The following CNTNAP2 variants were observed in gnomAD, a reference collection of about 807,000 sequenced individuals.
CNTNAP2 encodes the protein contactin associated protein 2, also known as contactin-associated protein-like 2.
Under a neutral mutation model 155.2 loss-of-function variants are expected in CNTNAP2, and 98 were observed. The ratio of observed to expected loss-of-function variants is 0.63; its 90% CI spans 0.54 to 0.75. The LOEUF is 0.75. Among genes scored for constraint, CNTNAP2 ranks in the 30% least tolerant of loss-of-function variants. The pLI is 0.00. For synonymous variants in CNTNAP2, 651 were observed against 631.2 expected (o/e 1.03, Z -0.47); for missense variants, 1,727 against 1,688.1 (o/e 1.02, Z -0.40).
chr7:146,997,102 C>A (rs1227233399), intron 3 of CNTNAP2, among the ~76,000 whole-genome samples: 1 of 152,046 alleles, frequency 6.6e-6, no homozygotes, highest in Non-Finnish European at 1.5e-5. Flanking sequence ...TCAGGTATAT[C>A]TTTATCAACA....
intron 1 of CNTNAP2, among the ~76,000 whole-genome samples, chr7:146,423,226 CAT>C (rs1275503037): frequency 6.6e-6 from 1 of 152,068 alleles, no homozygotes; most frequent in East Asian, 1.9e-4. Flanking sequence ...TGTAAAATAA[CAT>C]ATTGAACTTT....
intron 3 of CNTNAP2, among the ~76,000 whole-genome samples, chr7:146,972,864 A>G (rs1482694779): frequency 6.6e-6 from 1 of 152,170 alleles, no homozygotes; most frequent in Non-Finnish European, 1.5e-5. Flanking sequence ...TTTTGAGGTT[A>G]TTGTAACTAA....
intron 1 of CNTNAP2, among the ~76,000 whole-genome samples, chr7:146,187,163 C>A (rs572433289): frequency 2.0e-5 from 3 of 152,330 alleles, no homozygotes; most frequent in Non-Finnish European, 4.4e-5. Context: ...AAGAGTGATT[C>A]TGAGAGCAGG....
chr7:146,828,232 T>G (rs948677728), intron 2 of CNTNAP2, among the ~76,000 whole-genome samples: 8 of 152,082 alleles, frequency 5.3e-5, no homozygotes, highest in Non-Finnish European at 4.4e-5. Flanking sequence ...TACAGTCAAG[T>G]GTTACTTAGC....
At chr7:147,835,879 C>T (rs1798624588) in intron 13 of CNTNAP2, among the ~76,000 whole-genome samples, 1 of 152,092 alleles carries the variant, frequency 6.6e-6, no homozygotes, top group African/African-American at 2.4e-5. Flanking sequence ...TCTGTGGTCA[C>T]AAGACCAAGA....
intron 12 of CNTNAP2, among the ~76,000 whole-genome samples, chr7:147,633,570 A>G (rs576859584): frequency 9.1e-4 from 139 of 152,252 alleles, no homozygotes; most frequent in Non-Finnish European, 1.4e-3. Flanking sequence ...TGCCTTGGCT[A>G]TGTCCCCACC....
intron 3 of CNTNAP2, among the ~76,000 whole-genome samples, chr7:146,948,602 A>T (rs1305264115): frequency 6.6e-6 from 1 of 152,216 alleles, no homozygotes; most frequent in Non-Finnish European, 1.5e-5. Context: ...ACATTACAGT[A>T]TATAAGTGCT....
intron 9 of CNTNAP2, among the ~76,000 whole-genome samples, chr7:147,315,432 C>T (rs1001296074): frequency 2.6e-4 from 39 of 149,986 alleles, no homozygotes; most frequent in African/African-American, 8.8e-4. Context: ...ACCACGGCAA[C>T]CACGAATCTA....
At chr7:147,804,627 C>G (rs1798061644) in intron 13 of CNTNAP2, among the ~76,000 whole-genome samples, 1 of 152,028 alleles carries the variant, frequency 6.6e-6, no homozygotes, top group African/African-American at 2.4e-5. Context: ...GATCTCGGCT[C>G]ACTGCAACCT....
intron 1 of CNTNAP2, among the ~76,000 whole-genome samples, chr7:146,195,560 A>G (rs1798763364): frequency 3.3e-5 from 5 of 152,198 alleles, no homozygotes; most frequent in Admixed American, 3.3e-4. Context: ...TAAATTATAG[A>G]TTCAGAAATG....
In CNTNAP2 at chr7:146,928,427, A is replaced by G. The variant is rs1278507261; in HGVS notation, c.402+88523A>G. 2.0e-5 allele frequency among the ~76,000 whole-genome samples: 3 copies of G among 152,160 alleles called. No homozygotes were observed. The East Asian group carries it at 5.8e-4, about 29-fold the overall frequency. ...GTTCATAGGCTATTTTATTTTAATG[A>G]TAAAATTTGTTCAATTCGGGACTCG... On this transcript the variant is annotated intron_variant, in intron 3 of 23. Transcript: ENST00000361727.
intron 8 of CNTNAP2, among the ~76,000 whole-genome samples, chr7:147,288,734 A>C (rs1261191446): frequency 2.0e-5 from 3 of 152,232 alleles, no homozygotes; most frequent in Non-Finnish European, 2.9e-5. Flanking sequence ...TGGGTTTTCC[A>C]AGTTTTTTCC....
chr7:147,664,273 G>T (rs1446965880), intron 13 of CNTNAP2, among the ~76,000 whole-genome samples: 1 of 152,208 alleles, frequency 6.6e-6, no homozygotes, highest in Non-Finnish European at 1.5e-5. Context: ...AGAATTAAGA[G>T]TTTTTGTTGG....
At chr7:148,100,436 T>C (rs914107539) in intron 15 of CNTNAP2, among the ~76,000 whole-genome samples, 3 of 152,236 alleles carry the variant, frequency 2.0e-5, no homozygotes, top group African/African-American at 7.2e-5. Context: ...CATATGCGTG[T>C]ATGTGCATAT....
chr7:147,359,883 CT>C (rs1379796767), intron 9 of CNTNAP2, among the ~76,000 whole-genome samples: 1 of 152,094 alleles, frequency 6.6e-6, no homozygotes, highest in Non-Finnish European at 1.5e-5. Flanking sequence ...ACTCTTACCT[CT>C]CCTAATATGA....
rs138501445 is a variant in CNTNAP2 at position 146,951,697 on chromosome 7, C to T, written c.403-92210C>T. ...TACCATGCTGTTTTGGTTACTGTAG[C>T]CTTGTAAGATAATTTGAAGTCAGGT... On this transcript the variant is annotated intron_variant, in intron 3 of 23. Coordinates refer to ENST00000361727, the MANE Select transcript of CNTNAP2 (RefSeq NM_014141.6). Among the ~76,000 whole-genome samples, 822 of 152,166 alleles carry T rather than the reference C, an allele frequency of 5.4e-3. 8 individuals carry two copies. The highest frequency in any genetic ancestry group is 0.019 in the African/African-American group (777 of 41,520).
chr7:147,221,812 G>T (rs1343954133), intron 8 of CNTNAP2, among the ~76,000 whole-genome samples: 1 of 152,122 alleles, frequency 6.6e-6, no homozygotes, highest in African/African-American at 2.4e-5. Flanking sequence ...GCCAGACAAA[G>T]TCTCCATGTC....
At chr7:146,969,298 G>A (rs1272234557) in intron 3 of CNTNAP2, among the ~76,000 whole-genome samples, 1 of 152,138 alleles carries the variant, frequency 6.6e-6, no homozygotes. Flanking sequence ...TTGATTTGGG[G>A]TGGAGAGGTC....
chr7:146,427,110 A>T (rs1259494251), intron 1 of CNTNAP2, among the ~76,000 whole-genome samples: 1 of 152,146 alleles, frequency 6.6e-6, no homozygotes, highest in African/African-American at 2.4e-5. Context: ...TATTTTTCAG[A>T]AAAAAAGCAA....
Sources: gnomAD v4.1 joint callset for allele counts (sites outside exome capture counted in the v4.1 genomes callset) on GRCh38, gnomAD v4.1.1 for gene constraint, MANE v1.5 for transcripts, NCBI Gene and HGNC (gene_info 2026-07-23, HGNC 2026-07-21) for gene names.